Variants in NAALADL2 observed in about 807,000 individuals in gnomAD.
NAALADL2 encodes inactive N-acetylated-alpha-linked acidic dipeptidase-like protein 2.
Under a neutral mutation model 87.2 loss-of-function variants are expected in NAALADL2, and 76 were observed. That is an observed-to-expected ratio of 0.87 (90% CI 0.72 to 1.05). NAALADL2 has a LOEUF of 1.05. Among genes scored for constraint, NAALADL2 ranks in the 50% least tolerant of loss-of-function variants. The pLI is 0.00. For synonymous variants in NAALADL2, 354 were observed against 331.0 expected (o/e 1.07, Z -0.75); for missense variants, 1,089 against 945.8 (o/e 1.15, Z -1.99).
At chr3:174,492,806 G>C (rs1025677685) in intron 1 of NAALADL2, among the ~76,000 whole-genome samples, 1 of 152,196 alleles carries the variant, frequency 6.6e-6, no homozygotes, top group East Asian at 1.9e-4. Context: ...TGAAATTGCA[G>C]AGGGAGTCAG....
At chr3:175,548,828 A>T (rs985417175) in intron 9 of NAALADL2, among the ~76,000 whole-genome samples, 2 of 152,062 alleles carry the variant, frequency 1.3e-5, no homozygotes, top group Admixed American at 6.6e-5. Context: ...AAGGATCATT[A>T]GTGCTTGCTG....
Position 175,355,180 on chromosome 3 carries a change from T to C in NAALADL2, c.1090+30855T>C, listed in dbSNP as rs964749689. On this transcript the variant is annotated intron_variant, in intron 5 of 13. Transcript: ENST00000454872. ...GCCTCCTGGGTTCAAGCGATTCTCCTGCCTCAACCTCCCAAGCAGCTGGGA... is the reference window on the plus strand; with the variant it reads ...GCCTCCTGGGTTCAAGCGATTCTCCCGCCTCAACCTCCCAAGCAGCTGGGA... Among the ~76,000 whole-genome samples, 8 of 151,668 alleles carry C rather than the reference T, an allele frequency of 5.3e-5. No homozygotes were observed. In the South Asian group the frequency reaches 1.7e-3, roughly 32 times the overall value.
intron 1 of NAALADL2, among the ~76,000 whole-genome samples, chr3:174,538,502 T>C (rs1428121443): frequency 6.6e-6 from 1 of 152,152 alleles, no homozygotes; most frequent in Non-Finnish European, 1.5e-5. Context: ...ATAAATTTAC[T>C]TGACATATTT....
chr3:175,507,205 G>C (rs1730461955), intron 9 of NAALADL2, among the ~76,000 whole-genome samples: 1 of 151,644 alleles, frequency 6.6e-6, no homozygotes, highest in Non-Finnish European at 1.5e-5. Context: ...TTCTTCTCCA[G>C]ACACCCTAAA....
In NAALADL2 at chr3:174,595,701, C is replaced by G. The variant is rs1717824732; in HGVS notation, c.-115+45064C>G. On this transcript the variant is annotated intron_variant, in intron 2 of 3. Coordinates refer to the NAALADL2 transcript ENST00000434257. The stretch of plus-strand genomic sequence containing the variant: ...TTTGGCCTAATACATGGCCAAGTCT[C>G]TCCTATCTTAAGAAAACAACAAAAA... Among the ~76,000 whole-genome samples the G allele has an allele frequency of 2.6e-5, 4 of 152,260 alleles. No individual in the cohort carries two copies. In the South Asian group the frequency reaches 8.3e-4, roughly 32 times the overall value.
At chr3:175,305,481 T>C (rs1757601050) in intron 4 of NAALADL2, among the ~76,000 whole-genome samples, 1 of 152,162 alleles carries the variant, frequency 6.6e-6, no homozygotes, top group Non-Finnish European at 1.5e-5. Context: ...TAGGTTTGTT[T>C]AGTGCTTTCA....
At chr3:175,545,076 A>C (rs890809534) in intron 9 of NAALADL2, among the ~76,000 whole-genome samples, 1 of 152,174 alleles carries the variant, frequency 6.6e-6, no homozygotes, top group East Asian at 1.9e-4. Context: ...GTCCATACCC[A>C]TTTAGATTTT....
chr3:175,737,283 T>C lies in NAALADL2; in HGVS notation c.1897-23T>C, dbSNP rs370266712. ...CTCCTAATTACTGAATGCTAGTATT[T>C]TCTTTTTCCTTTTTTCTTTCAGCTC... On this transcript the variant is annotated intron_variant, in intron 11 of 13. Transcript: ENST00000454872. The C allele has an allele frequency of 1.7e-5, 24 of 1,444,576 alleles. No individual in the cohort carries two copies. The East Asian group carries it at 5.2e-4, about 31-fold the overall frequency. 89.5% of individuals were successfully genotyped at this position (1,444,576 alleles called of 1,614,324 possible). A position where few individuals can be genotyped will look rare whatever the true frequency, so the allele number is the denominator to read the frequency against.
At chr3:175,217,917 A>G (rs1240928004) in intron 2 of NAALADL2, among the ~76,000 whole-genome samples, 1 of 152,216 alleles carries the variant, frequency 6.6e-6, no homozygotes, top group African/African-American at 2.4e-5. Flanking sequence ...GTTTGTACGT[A>G]TAGAAGCCAT....
chr3:175,332,293 G>A (rs1380846845), intron 5 of NAALADL2, among the ~76,000 whole-genome samples: 1 of 152,088 alleles, frequency 6.6e-6, no homozygotes, highest in Non-Finnish European at 1.5e-5. Context: ...GAAGAAACCT[G>A]GAGACATTAC....
intron 2 of NAALADL2, among the ~76,000 whole-genome samples, chr3:174,707,760 G>A (rs546290589): frequency 2.2e-4 from 34 of 151,688 alleles, no homozygotes; most frequent in South Asian, 4.2e-4. Flanking sequence ...AATCCTGCAC[G>A]TTGTGCACAT....
At chr3:174,816,377 G>GAT (rs1405247221) in intron 3 of NAALADL2, among the ~76,000 whole-genome samples, 4 of 129,226 alleles carry the variant, frequency 3.1e-5, no homozygotes, top group South Asian at 2.4e-4. Context: ...CTGGAATTGA[G>GAT]ATATATATAT....
intron 1 of NAALADL2, among the ~76,000 whole-genome samples, chr3:174,947,834 ATTAT>A (rs1739690118): frequency 1.3e-5 from 2 of 151,802 alleles, no homozygotes; most frequent in Admixed American, 1.3e-4. Flanking sequence ...AATTATTATA[ATTAT>A]TATTTCAAAG....
At chr3:174,962,384 ATATATATATATGTCATAGTGAC>A (rs1460533887) in intron 1 of NAALADL2, among the ~76,000 whole-genome samples, 1 of 121,654 alleles carries the variant, frequency 8.2e-6, no homozygotes, top group Non-Finnish European at 1.7e-5. Flanking sequence ...ATATATATAT[ATATATATATATGTCATAGTGAC>A]TATGACATAT....
chr3:175,156,862 C>G (rs1237403009), intron 2 of NAALADL2, among the ~76,000 whole-genome samples: 1 of 152,018 alleles, frequency 6.6e-6, no homozygotes. Context: ...AATTAGCTAA[C>G]CTCTTGTATC....
chr3:174,756,637 A>G (rs181955924), intron 3 of NAALADL2, among the ~76,000 whole-genome samples: 9 of 152,346 alleles, frequency 5.9e-5, no homozygotes, highest in African/African-American at 2.2e-4. Flanking sequence ...GACTTCTGTC[A>G]TGAACAGATA....
Position 175,528,305 on chromosome 3 carries a change from A to G in NAALADL2, c.1654-47736A>G, listed in dbSNP as rs142765417. Among the ~76,000 whole-genome samples, 263 of 152,250 alleles carry G rather than the reference A, an allele frequency of 1.7e-3. 1 individual carries two copies. The highest frequency in any genetic ancestry group is 6.0e-3 in the African/African-American group (248 of 41,564). On this transcript the variant is annotated intron_variant, in intron 9 of 13. Coordinates refer to ENST00000454872, the MANE Select transcript of NAALADL2 (RefSeq NM_207015.3). ...CCAAAACAGAAGAACTTGGAGTCCAACGTTCAAGGGCAGGAAGCATCCAGC... is the reference window on the plus strand; with the variant it reads ...CCAAAACAGAAGAACTTGGAGTCCAGCGTTCAAGGGCAGGAAGCATCCAGC...
At chr3:175,390,817 A>G (rs1768977686) in intron 5 of NAALADL2, among the ~76,000 whole-genome samples, 1 of 152,144 alleles carries the variant, frequency 6.6e-6, no homozygotes, top group South Asian at 2.1e-4. Context: ...CTGGTCATCA[A>G]TTGCCTTTAG....
intron 4 of NAALADL2, among the ~76,000 whole-genome samples, chr3:175,314,567 A>C (rs1340453180): frequency 2.0e-4 from 10 of 50,916 alleles, no homozygotes; most frequent in Admixed American, 1.1e-3. Context: ...TTCTAACTAT[A>C]TATATATATA....
Sources: allele counts gnomAD v4.1 joint callset (sites outside exome capture counted in the v4.1 genomes callset), GRCh38; gene constraint gnomAD v4.1.1; transcripts MANE v1.5; gene names NCBI Gene and HGNC (gene_info 2026-07-23, HGNC 2026-07-21).